Variants in DSG2 observed in about 807,000 individuals in gnomAD.
The protein encoded by DSG2 is desmoglein-2.
DSG2 carries 45 observed loss-of-function variants against 75.6 expected under a neutral mutation model. The observed-to-expected ratio is 0.60, with a 90% CI of 0.47 to 0.76. DSG2 has a LOEUF of 0.76. DSG2 is among the 30% of genes least tolerant of loss of function. The pLI, the probability that DSG2 is intolerant of heterozygous loss-of-function variation, is 0.00. For missense variants in DSG2, 1,267 were observed against 1,357.4 expected, an observed-to-expected ratio of 0.93 and a Z score of 1.05; for synonymous variants, 429 against 483.9, an observed-to-expected ratio of 0.89 and a Z score of 1.49.
chr18:31,498,241 G>GC lies in DSG2; in HGVS notation c.-10dup, dbSNP rs1294574995. On this transcript the variant is annotated 5_prime_UTR_variant, in exon 1 of 15. Coordinates refer to ENST00000261590, the MANE Select transcript of DSG2 (RefSeq NM_001943.5). ...AGCGGTGCGGCGGCGGGAGGCGGAG[G>GC]CGAGGGTGCGATGGCGCGGAGCCCG... The GC allele has an allele frequency of 8.0e-7, 1 of 1,254,990 alleles. No homozygotes were observed. The highest frequency in any genetic ancestry group is 1.0e-6 in the Non-Finnish European group (1 of 996,618). The allele number at this position is 1,254,990 out of a possible 1,614,324, so 77.7% of individuals were successfully genotyped here.
intron 8 of DSG2, among the ~76,000 whole-genome samples, chr18:31,530,721 A>T (rs547633802): frequency 6.6e-6 from 1 of 151,762 alleles, no homozygotes; most frequent in South Asian, 2.1e-4. Flanking sequence ...GCCTGAACAA[A>T]ATATATATAT....
At chr18:31,506,346 T>C (rs1300661555) in intron 1 of DSG2, among the ~76,000 whole-genome samples, 1 of 152,222 alleles carries the variant, frequency 6.6e-6, no homozygotes, top group Non-Finnish European at 1.5e-5. Context: ...AAACAAGAAA[T>C]GTAAATTAAG....
Position 31,521,247 on chromosome 18 carries a change from A to T in DSG2, c.523+4A>T, listed in dbSNP as rs745492947. On this transcript the variant is annotated splice_donor_region_variant and intron_variant, in intron 5 of 14. Coordinates refer to ENST00000261590, the MANE Select transcript of DSG2 (RefSeq NM_001943.5). ...GTTGAAGAGTTGAGTGCAGCACGTA[A>T]GAGTCTTTTTTTTTTTTTTTAATAA... The T allele has an allele frequency of 1.2e-6, 2 of 1,604,210 alleles. No individual in the cohort carries two copies. The highest frequency in any genetic ancestry group is 2.3e-5 in the South Asian group (2 of 88,456).
intron 10 of DSG2, 22 bp from the exon 11 acceptor site, chr18:31,536,180 C>T: frequency 6.2e-7 from 1 of 1,608,816 alleles, no homozygotes; most frequent in Non-Finnish European, 8.5e-7. Context: ...AATGTACATA[C>T]TTTTTCTCTC....
chr18:31,538,979 G>A lies in DSG2; in HGVS notation c.1879+1G>A. The A allele has an allele frequency of 6.2e-7, 1 of 1,612,806 alleles. No individual in the cohort carries two copies. Among genetic ancestry groups the A allele is most frequent in the Admixed American group, 1.7e-5 (1 of 60,012 alleles). ...ATTTTGGCCTTTCTGCTCCTGCTAT[G>A]TAAGTCTTTAAAAGCCACTCTGTTG... On this transcript the variant is annotated splice_donor_variant, in intron 12 of 14. Transcript: ENST00000261590. LOFTEE classifies it high-confidence loss of function.
intron 11 of DSG2, 86 bp from the exon 12 acceptor site, chr18:31,538,665 C>A: frequency 9.4e-7 from 1 of 1,058,954 alleles, no homozygotes; most frequent in Non-Finnish European, 1.5e-6. Flanking sequence ...ATACAATCAG[C>A]AATGAAAGAA....
intron 9 of DSG2, among the ~76,000 whole-genome samples, chr18:31,533,244 G>A (rs2073208831): frequency 6.6e-6 from 1 of 152,154 alleles, no homozygotes; most frequent in African/African-American, 2.4e-5. Flanking sequence ...CGAGGCAGGA[G>A]GATCACTTGA....
chr18:31,548,977 TAAAA>T lies in DSG2; in HGVS notation c.*2238_*2241del, dbSNP rs969393776. 1 of 152,170 alleles carries T rather than the reference TAAAA, an allele frequency of 6.6e-6. No homozygotes were observed. Among genetic ancestry groups the T allele is most frequent in the African/African-American group, 2.4e-5 (1 of 41,448 alleles). The allele number at this position is 152,170 out of a possible 1,614,324, so 9.4% of individuals were successfully genotyped here. A position where few individuals can be genotyped will look rare whatever the true frequency, so the allele number is the denominator to read the frequency against. The stretch of plus-strand genomic sequence containing the variant: ...GTTATTTAATTAGATCTGCTTGCAA[TAAAA>T]AAAGTTGTCGGTTATCTAAAATTCA... On this transcript the variant is annotated 3_prime_UTR_variant, in exon 15 of 15. Transcript: ENST00000261590.
At chr18:31,507,129 A>G (rs1197772856) in intron 1 of DSG2, among the ~76,000 whole-genome samples, 2 of 84,050 alleles carry the variant, frequency 2.4e-5, no homozygotes, top group African/African-American at 5.0e-5. Flanking sequence ...CCCTGTGTCC[A>G]TGTGTTCTCG....
intron 1 of DSG2, among the ~76,000 whole-genome samples, chr18:31,516,625 T>C (rs1181868929): frequency 6.6e-6 from 1 of 152,210 alleles, no homozygotes; most frequent in Non-Finnish European, 1.5e-5. Flanking sequence ...TGCAGACATA[T>C]GGTCACACTA....
chr18:31,543,102 A>AGTTAT (rs1475643206), intron 14 of DSG2: 2 of 395,174 alleles, frequency 5.1e-6, no homozygotes, highest in East Asian at 4.0e-5. Context: ...TCTCACTTAC[A>AGTTAT]GTTATGTTTT....
chr18:31,521,998 G>A, intron 5 of DSG2, 85 bp from the exon 6 acceptor site: 1 of 1,342,640 alleles, frequency 7.4e-7, no homozygotes, highest in Non-Finnish European at 1.0e-6. Flanking sequence ...ATCTTTTTTG[G>A]AACAAGCTAA....
intron 1 of DSG2, among the ~76,000 whole-genome samples, chr18:31,517,428 G>T (rs1003666143): frequency 6.6e-6 from 1 of 152,170 alleles, no homozygotes; most frequent in Admixed American, 6.5e-5. Context: ...AAAGCAGCTA[G>T]AAGAGAATTA....
intron 1 of DSG2, among the ~76,000 whole-genome samples, chr18:31,511,175 G>A (rs1174195482): frequency 2.6e-5 from 4 of 152,144 alleles, no homozygotes; most frequent in Non-Finnish European, 4.4e-5. Flanking sequence ...TCAGAGAAAC[G>A]CAGCCATGGT....
Position 31,538,969 on chromosome 18 carries a change from C to T in DSG2, c.1870C>T (p.Leu624Phe). The change falls in exon 12 of 15, where the codon CTC becomes TTC. Residue 624 changes from leucine (L) to phenylalanine (F), a missense_variant. Physicochemically the swap from Leu to Phe is conservative, Grantham distance 22. Transcript: ENST00000261590. ...AIALMILAFL[L>F]LLLVPLLLLM... Reference sequence around the variant, plus strand: ...TGCGCTCATGATTTTGGCCTTTCTGCTCCTGCTATGTAAGTCTTTAAAAGC... The same window carrying T: ...TGCGCTCATGATTTTGGCCTTTCTGTTCCTGCTATGTAAGTCTTTAAAAGC... 1.2e-6 allele frequency: 2 copies of T among 1,613,480 alleles called. No homozygotes were observed. Among genetic ancestry groups the T allele is most frequent in the Non-Finnish European group, 1.7e-6 (2 of 1,180,016 alleles).
rs1378917051 is a variant in DSG2 at position 31,524,575 on chromosome 18, A to C, written c.818A>C (p.Glu273Ala). The change falls in exon 7 of 15, where the codon GAA (glutamate) becomes GCA (alanine). Residue 273 changes from glutamate (E) to alanine (A), a missense_variant. Glu to Ala is a moderately radical substitution (Grantham distance 107, BLOSUM62 -1). Transcript: ENST00000261590. ...GTCAATGACAATATACCTGTAGTAG[A>C]AAATAAAGTGGTAACTATTATTCTT... The part of the protein sequence containing the change: ...LDVNDNIPVV[E>A]NKVLEGMVEE... 1.9e-6 allele frequency: 3 copies of C among 1,613,860 alleles called. No individual in the cohort carries two copies. The highest frequency in any genetic ancestry group is 2.7e-5 in the African/African-American group (2 of 74,948).
At chr18:31,530,862 G>T (rs1161286387) in intron 8 of DSG2, 125 bp from the exon 9 acceptor site, 5 of 910,118 alleles carry the variant, frequency 5.5e-6, no homozygotes, top group Non-Finnish European at 8.4e-6. Context: ...GGACTATTCA[G>T]TGCTGCTATA....
chr18:31,525,526 A>AT (rs2073158196), intron 8 of DSG2, among the ~76,000 whole-genome samples: 2 of 151,972 alleles, frequency 1.3e-5, no homozygotes, highest in South Asian at 4.2e-4. Flanking sequence ...CTCAAAAAAA[A>AT]AAAAACCCCG....
intron 1 of DSG2, among the ~76,000 whole-genome samples, chr18:31,502,870 T>A (rs1372462520): frequency 6.6e-6 from 1 of 152,250 alleles, no homozygotes; most frequent in Non-Finnish European, 1.5e-5. Context: ...CAATTTTTAA[T>A]CACAGCTTTT....
Sources: allele counts gnomAD v4.1 joint callset (sites outside exome capture counted in the v4.1 genomes callset), GRCh38; gene constraint gnomAD v4.1.1; transcripts MANE v1.5; gene names NCBI Gene and HGNC (gene_info 2026-07-23, HGNC 2026-07-21).